GNPTAB: variants seen among roughly 807,000 people sequenced by gnomAD.
GNPTAB encodes the protein N-acetylglucosamine-1-phosphate transferase subunits alpha and beta.
GNPTAB carries 92 observed loss-of-function variants against 136.6 expected under a neutral mutation model. The ratio of observed to expected loss-of-function variants is 0.67; its 90% confidence interval spans 0.57 to 0.80. The LOEUF (loss-of-function observed/expected upper bound fraction) is 0.80. GNPTAB is among the 30% of genes least tolerant of loss of function. The pLI, the probability that GNPTAB is intolerant of heterozygous loss-of-function variation, is 0.00. For missense variants in GNPTAB, 1,343 were observed against 1,501.8 expected, an observed-to-expected ratio of 0.89 and a Z score of 1.75; for synonymous variants, 512 against 535.1, an observed-to-expected ratio of 0.96 and a Z score of 0.60.
intron 9 of GNPTAB, 99 bp from the exon 10 acceptor site, chr12:101,770,290 G>A: frequency 7.0e-7 from 1 of 1,419,616 alleles, no homozygotes; most frequent in Non-Finnish European, 1.0e-6. Context: ...AAGAGCTAGA[G>A]AAAGGAAGAA....
intron 16 of GNPTAB, 59 bp from the exon 17 acceptor site, chr12:101,757,716 GTCC>G: frequency 1.2e-6 from 1 of 850,196 alleles, no homozygotes; most frequent in South Asian, 1.3e-5. Flanking sequence ...GGGCAATTTA[GTCC>G]TAATCTTAGT....
chr12:101,803,800 T>C (rs1869780242), intron 1 of GNPTAB, among the ~76,000 whole-genome samples: 1 of 152,184 alleles, frequency 6.6e-6, no homozygotes, highest in Admixed American at 6.5e-5. Context: ...ATAAACACTG[T>C]TAGACAAAAG....
At chr12:101,805,657 A>G (rs1417405393) in intron 1 of GNPTAB, among the ~76,000 whole-genome samples, 1 of 152,166 alleles carries the variant, frequency 6.6e-6, no homozygotes, top group Non-Finnish European at 1.5e-5. Context: ...CTGCCTCCCA[A>G]AATGCTGGGA....
At chr12:101,763,205 G>A (rs942009790) in intron 13 of GNPTAB, among the ~76,000 whole-genome samples, 3 of 133,008 alleles carry the variant, frequency 2.3e-5, no homozygotes, top group African/African-American at 8.5e-5. Context: ...TTGGGAAAAA[G>A]AGCGAAACTC....
At chr12:101,791,396 A>G (rs1429227184) in intron 2 of GNPTAB, among the ~76,000 whole-genome samples, 3 of 151,720 alleles carry the variant, frequency 2.0e-5, no homozygotes, top group African/African-American at 7.3e-5. Context: ...CCTGGGCCAC[A>G]GTGGGAGAAG....
chr12:101,812,431 G>A (rs1355462087), intron 1 of GNPTAB, among the ~76,000 whole-genome samples: 1 of 152,032 alleles, frequency 6.6e-6, no homozygotes, highest in Non-Finnish European at 1.5e-5. Context: ...ATATCACCTT[G>A]CCAAAGCAAG....
At chr12:101,758,595 A>G (rs1406903398) in intron 16 of GNPTAB, among the ~76,000 whole-genome samples, 2 of 152,252 alleles carry the variant, frequency 1.3e-5, no homozygotes, top group Non-Finnish European at 2.9e-5. Context: ...GGTAATGTTA[A>G]GTCTTAGCAC....
At chr12:101,765,555 A>G (rs1953077974) in intron 12 of GNPTAB, 5 of 499,722 alleles carry the variant, frequency 1.0e-5, no homozygotes, top group Non-Finnish European at 1.1e-5. Flanking sequence ...AAATAATCAG[A>G]TATCCTAATA....
At chr12:101,748,478 T>C (rs1007785650) in intron 20 of GNPTAB, among the ~76,000 whole-genome samples, 50 of 152,326 alleles carry the variant, frequency 3.3e-4, no homozygotes, top group African/African-American at 1.2e-3. Flanking sequence ...GTGAATAGCC[T>C]AATGAGGACT....
intron 7 of GNPTAB, among the ~76,000 whole-genome samples, chr12:101,775,978 C>T (rs1418820547): frequency 6.6e-6 from 1 of 152,150 alleles, no homozygotes; most frequent in Non-Finnish European, 1.5e-5. Context: ...GCCTCTTTCT[C>T]TTTGAAAACT....
intron 18 of GNPTAB, among the ~76,000 whole-genome samples, chr12:101,755,048 G>C (rs1413115996): frequency 2.6e-5 from 4 of 152,280 alleles, no homozygotes; most frequent in South Asian, 2.1e-4. Flanking sequence ...AAAGTAGTTG[G>C]TCATATTAAG....
At chr12:101,762,933 G>A (rs1953023407) in intron 13 of GNPTAB, among the ~76,000 whole-genome samples, 1 of 150,188 alleles carries the variant, frequency 6.7e-6, no homozygotes, top group Admixed American at 6.6e-5. Flanking sequence ...AAGGAAAGAG[G>A]CCAGAGGCCA....
At chr12:101,778,814 G>C (rs1953295813) in intron 7 of GNPTAB, 1 of 152,030 alleles carries the variant, frequency 6.6e-6, no homozygotes, top group African/African-American at 2.4e-5. Context: ...GCTGAGGCAG[G>C]AGAATCATTT....
chr12:101,790,596 T>A (rs1199148804), intron 2 of GNPTAB, among the ~76,000 whole-genome samples: 1 of 151,904 alleles, frequency 6.6e-6, no homozygotes, highest in East Asian at 1.9e-4. Flanking sequence ...TGAGAACCTG[T>A]CTCTACAAAA....
intron 2 of GNPTAB, among the ~76,000 whole-genome samples, chr12:101,795,434 A>G (rs1210007008): frequency 6.6e-6 from 1 of 152,206 alleles, no homozygotes; most frequent in African/African-American, 2.4e-5. Flanking sequence ...AAACTGAAAC[A>G]TTTTAAAAAT....
At chr12:101,774,413 G>A (rs1387679528) in intron 7 of GNPTAB, among the ~76,000 whole-genome samples, 1 of 152,196 alleles carries the variant, frequency 6.6e-6, no homozygotes. Flanking sequence ...GACAGATATG[G>A]AAACCAGATT....
At chr12:101,794,314 A>G (rs1438924134) in intron 2 of GNPTAB, among the ~76,000 whole-genome samples, 1 of 152,126 alleles carries the variant, frequency 6.6e-6, no homozygotes, top group Non-Finnish European at 1.5e-5. Context: ...TTACTGACAT[A>G]TGGAATGGGA....
intron 19 of GNPTAB, among the ~76,000 whole-genome samples, chr12:101,752,023 A>G (rs1373507635): frequency 6.6e-6 from 1 of 151,240 alleles, no homozygotes; most frequent in Non-Finnish European, 1.5e-5. Context: ...TTAAGTTAAA[A>G]AAAAAAAAAA....
At chr12:101,763,288 G>A (rs1953030500) in intron 13 of GNPTAB, among the ~76,000 whole-genome samples, 1 of 151,140 alleles carries the variant, frequency 6.6e-6, no homozygotes, top group African/African-American at 2.4e-5. Flanking sequence ...ACATAGTCAA[G>A]AACACTGCAG....
Sources: gnomAD v4.1 joint callset for allele counts (sites outside exome capture counted in the v4.1 genomes callset) on GRCh38, gnomAD v4.1.1 for gene constraint, MANE v1.5 for transcripts, NCBI Gene and HGNC (gene_info 2026-07-23, HGNC 2026-07-21) for gene names.